The following SPNS3 variants were observed in gnomAD, a reference collection of about 807,000 sequenced individuals.
SPNS3 encodes SPNS lysolipid transporter 3, sphingosine-1-phosphate (putative), also known as protein spinster homolog 3.
A neutral mutation model predicts 54.4 loss-of-function variants in SPNS3; 51 were observed. The ratio of observed to expected loss-of-function variants is 0.94; its 90% CI spans 0.75 to 1.18. The LOEUF (loss-of-function observed/expected upper bound fraction) is 1.18. Ranked by LOEUF, SPNS3 falls within the 50% of genes most tolerant of loss-of-function variation. SPNS3 has a pLI of 0.00. For synonymous variants in SPNS3, 309 were observed against 294.7 expected, an observed-to-expected ratio of 1.05 and a Z score of -0.50; for missense variants, 669 against 677.4, an observed-to-expected ratio of 0.99 and a Z score of 0.14.
chr17:4,477,887 T>A lies in SPNS3; in HGVS notation c.1114-685T>A, dbSNP rs1239799315. 2.6e-5 allele frequency among the ~76,000 whole-genome samples: 4 copies of A among 151,702 alleles called. No individual in the cohort carries two copies. In the East Asian group the frequency reaches 7.7e-4, roughly 29 times the overall value. On this transcript the variant is annotated intron_variant, in intron 8 of 11. Coordinates refer to ENST00000355530, the MANE Select transcript of SPNS3 (RefSeq NM_182538.5). ...TGCCTTATCAGTGTATACGGACTTT[T>A]GGGGAAAACAGAGGAGGGGTGGACA...
chr17:4,448,342 C>T (rs533485889), intron 6 of SPNS3, 39 bp downstream of exon 6: 1 of 1,476,110 alleles, frequency 6.8e-7, no homozygotes. Context: ...CACAGAAAAG[C>T]CCGTTTGTCT....
intron 8 of SPNS3, 43 bp from the exon 9 acceptor site, chr17:4,478,529 C>A (rs200536641): frequency 6.5e-7 from 1 of 1,544,954 alleles, no homozygotes; most frequent in Non-Finnish European, 8.8e-7. Flanking sequence ...GGGTTGGTGA[C>A]TGGGATCTGG....
intron 8 of SPNS3, among the ~76,000 whole-genome samples, chr17:4,468,749 C>CT (rs1555531889): frequency 7.1e-6 from 1 of 140,878 alleles, no homozygotes; most frequent in African/African-American, 2.9e-5. Flanking sequence ...TTCTTTCTTT[C>CT]TTTCTTTCTT....
At chr17:4,468,576 G>A (rs543383420) in intron 8 of SPNS3, among the ~76,000 whole-genome samples, 3 of 152,014 alleles carry the variant, frequency 2.0e-5, no homozygotes, top group Non-Finnish European at 2.9e-5. Flanking sequence ...GGCAGGGGGC[G>A]GTGGCGGCGG....
At chr17:4,458,174 G>A (rs572704723) in intron 8 of SPNS3, among the ~76,000 whole-genome samples, 3 of 152,234 alleles carry the variant, frequency 2.0e-5, no homozygotes, top group South Asian at 4.1e-4. Flanking sequence ...CCTGGCTCAT[G>A]CCTTGCTGTC....
chr17:4,475,054 A>T (rs934400673), intron 8 of SPNS3, among the ~76,000 whole-genome samples: 5 of 150,352 alleles, frequency 3.3e-5, no homozygotes, highest in Non-Finnish European at 7.4e-5. Flanking sequence ...CGCATGTGTG[A>T]CAGTGTGAGC....
Position 4,486,503 on chromosome 17 carries a change from T to A in SPNS3, c.1370T>A (p.Ile457Asn), listed in dbSNP as rs746340866. 130 of 1,613,518 alleles carry A rather than the reference T, an allele frequency of 8.1e-5. No individual in the cohort carries two copies. Among genetic ancestry groups the A allele is most frequent in the Non-Finnish European group, 1.0e-4 (120 of 1,179,970 alleles). Reference protein sequence around the residue: ...QQSFLCCAFVIALGGGCFLLT... With the variant: ...QQSFLCCAFVNALGGGCFLLT... ...AGCTTCCTGTGCTGCGCCTTTGTCA[T>A]CGCCCTGGGGGGCGGCTGCTTCCTG... is the stretch of plus-strand genomic sequence containing the variant. The change falls in exon 11 of 12, where the codon ATC becomes AAC. Residue 457 changes from isoleucine to asparagine, a missense_variant. Transcript: ENST00000355530. The surrounding 1 kb of genome is among the most constrained non-coding windows in gnomAD (Gnocchi z 5.5).
At chr17:4,444,901 T>G in intron 2 of SPNS3, 131 bp from the exon 3 acceptor site, 1 of 1,108,158 alleles carries the variant, frequency 9.0e-7, no homozygotes, top group Non-Finnish European at 1.3e-6. Flanking sequence ...CTTTTCTTCC[T>G]CATACCCTGG....
At position 4,434,023 on chromosome 17, in the gene SPNS3, G is replaced by T; in HGVS notation, c.56G>T (p.Gly19Val). The change falls in exon 1 of 12, where the codon GGC becomes GTC. Residue 19 changes from glycine to valine, a missense_variant. Physicochemically the swap from Gly to Val is moderately radical, Grantham distance 109. Coordinates refer to ENST00000355530, the MANE Select transcript of SPNS3 (RefSeq NM_182538.5). ...CPEPGPGGLQGQSPGPGRQCP... is the reference protein window; with the variant it reads ...CPEPGPGGLQVQSPGPGRQCP... Reference sequence around the variant, plus strand: ...GAGCCTGGGCCAGGAGGTCTGCAGGGCCAGTCCCCAGGGCCAGGCAGGCAG... The same window carrying T: ...GAGCCTGGGCCAGGAGGTCTGCAGGTCCAGTCCCCAGGGCCAGGCAGGCAG... The T allele has an allele frequency of 6.2e-7, 1 of 1,603,078 alleles. No homozygotes were observed. The highest frequency in any genetic ancestry group is 1.1e-5 in the South Asian group (1 of 89,778).
At chr17:4,458,400 TTCTTTCC>T (rs1971373290) in intron 8 of SPNS3, among the ~76,000 whole-genome samples, 1 of 146,894 alleles carries the variant, frequency 6.8e-6, no homozygotes, top group Non-Finnish European at 1.5e-5. Context: ...CTTTCTTTCT[TTCTTTCC>T]ATTTTCTTTT....
intron 8 of SPNS3, among the ~76,000 whole-genome samples, chr17:4,474,831 C>T (rs942822604): frequency 6.9e-6 from 1 of 144,222 alleles, no homozygotes; most frequent in Non-Finnish European, 1.5e-5. Flanking sequence ...GGTTTATAGT[C>T]ATCATCTTTC....
At chr17:4,487,010 A>G (rs574624556) in intron 11 of SPNS3, among the ~76,000 whole-genome samples, 9 of 152,078 alleles carry the variant, frequency 5.9e-5, no homozygotes, top group South Asian at 2.1e-4. Context: ...TGTCTCTACT[A>G]AAAATATAAA....
At chr17:4,436,082 G>T (rs1480083241) in intron 1 of SPNS3, among the ~76,000 whole-genome samples, 1 of 152,216 alleles carries the variant, frequency 6.6e-6, no homozygotes, top group African/African-American at 2.4e-5. Context: ...CGGACTTGGA[G>T]TTCCTGAACT....
chr17:4,437,160 CT>C (rs1388061496), intron 1 of SPNS3, among the ~76,000 whole-genome samples: 1 of 152,158 alleles, frequency 6.6e-6, no homozygotes, highest in Non-Finnish European at 1.5e-5. Flanking sequence ...GGAAACAGCT[CT>C]TATGGGGCCA....
At chr17:4,454,555 AAAC>A (rs1389452455) in intron 8 of SPNS3, among the ~76,000 whole-genome samples, 12 of 151,878 alleles carry the variant, frequency 7.9e-5, no homozygotes, top group Admixed American at 4.6e-4. Flanking sequence ...CACATGAACT[AAAC>A]AGTCTGGTCC....
At chr17:4,435,688 G>A (rs1277888845) in intron 1 of SPNS3, among the ~76,000 whole-genome samples, 3 of 152,032 alleles carry the variant, frequency 2.0e-5, no homozygotes, top group Admixed American at 1.3e-4. Flanking sequence ...CACACGTCCT[G>A]CCTTCCTTCT....
chr17:4,482,585 G>A (rs767000340), intron 9 of SPNS3: 2 of 152,128 alleles, frequency 1.3e-5, no homozygotes, highest in African/African-American at 2.4e-5. Flanking sequence ...CCTCTCGGGG[G>A]GTTTCTGTTG....
intron 2 of SPNS3, 42 bp downstream of exon 2, chr17:4,439,765 A>G (rs1970802281): frequency 6.4e-7 from 1 of 1,566,870 alleles, no homozygotes; most frequent in Non-Finnish European, 8.7e-7. Flanking sequence ...CCCTGGGTTC[A>G]TGCTGGGGTG....
intron 1 of SPNS3, among the ~76,000 whole-genome samples, chr17:4,436,044 C>G (rs34217155): frequency 0.29 from 44,045 of 152,044 alleles, 6,653 homozygotes; most frequent in Admixed American, 0.36. Flanking sequence ...GGACCCCCTG[C>G]TGGCTGCTGT....
Sources: allele counts gnomAD v4.1 joint callset (sites outside exome capture counted in the v4.1 genomes callset), GRCh38; gene constraint gnomAD v4.1.1; non-coding constraint Gnocchi (gnomAD v3.1); transcripts MANE v1.5; gene names NCBI Gene and HGNC (gene_info 2026-07-23, HGNC 2026-07-21).